CDH12: variants seen among roughly 807,000 people sequenced by gnomAD.
The protein encoded by CDH12 is cadherin 12, also known as cadherin-12.
Under a neutral mutation model 74.1 loss-of-function variants are expected in CDH12, and 41 were observed. The ratio of observed to expected loss-of-function variants is 0.55; its 90% CI spans 0.43 to 0.72. CDH12 has a LOEUF of 0.72. Ranked by LOEUF, CDH12 falls within the 30% of genes least tolerant of loss-of-function variation. The probability of loss-of-function intolerance (pLI) is 0.00; values close to 1 mark genes in which losing one functional copy is unlikely to be tolerated. For missense variants in CDH12, 945 were observed against 977.2 expected (o/e 0.97, Z 0.44); for synonymous variants, 399 against 355.0 (o/e 1.12, Z -1.39).
chr5:22,620,545 A>T (rs1459991263), intron 1 of CDH12, among the ~76,000 whole-genome samples: 2 of 152,062 alleles, frequency 1.3e-5, no homozygotes, highest in African/African-American at 4.8e-5. Context: ...AAAAATAAAG[A>T]TATAGAAAAT....
intron 2 of CDH12, among the ~76,000 whole-genome samples, chr5:22,491,610 C>CAAAAAAAAAAAA (rs11446320): frequency 1.7e-5 from 2 of 120,886 alleles, no homozygotes; most frequent in Non-Finnish European, 1.7e-5. Flanking sequence ...AGCTAATGAG[C>CAAAAAAAAAAAA]AAAAAAAAAA....
At chr5:22,845,738 G>C (rs924796491) in intron 1 of CDH12, among the ~76,000 whole-genome samples, 1 of 152,114 alleles carries the variant, frequency 6.6e-6, no homozygotes, top group African/African-American at 2.4e-5. Flanking sequence ...AGGCCTTGTG[G>C]CAGTGTTGAA....
chr5:22,397,467 T>C (rs1296352398), intron 3 of CDH12, among the ~76,000 whole-genome samples: 1 of 151,968 alleles, frequency 6.6e-6, no homozygotes. Context: ...TTTTTTTTTT[T>C]TTTTTCTTTT....
At chr5:22,798,766 A>G (rs1748358824) in intron 1 of CDH12, among the ~76,000 whole-genome samples, 1 of 152,184 alleles carries the variant, frequency 6.6e-6, no homozygotes, top group South Asian at 2.1e-4. Flanking sequence ...TAAGTATAGT[A>G]TGTTTTCTAA....
rs372583026 is a variant in CDH12, at chr5:22,795,474, T to TAGGAATCTA, written c.-523+57583_-523+57584insTAGATTCCT. ...TCCAGTATTTCTATCTAATTGAGCT[T>TAGGAATCTA]TCAGAGATTAGATTCCTAATATATC... On this transcript the variant is annotated intron_variant, in intron 1 of 14. Transcript: ENST00000382254. Among the ~76,000 whole-genome samples, 999 of 152,024 alleles carry TAGGAATCTA rather than the reference T, an allele frequency of 6.6e-3. 11 individuals carry two copies. Among genetic ancestry groups the TAGGAATCTA allele is most frequent in the African/African-American group, 0.023 (966 of 41,476 alleles).
intron 4 of CDH12, among the ~76,000 whole-genome samples, chr5:22,207,928 C>A (rs948982267): frequency 2.0e-5 from 3 of 152,206 alleles, no homozygotes; most frequent in African/African-American, 7.2e-5. Flanking sequence ...TAACAACTAT[C>A]ATTTTCTGAG....
intron 3 of CDH12, among the ~76,000 whole-genome samples, chr5:22,248,669 G>A (rs533794308): frequency 6.6e-6 from 1 of 152,058 alleles, no homozygotes; most frequent in African/African-American, 2.4e-5. Flanking sequence ...TGAAATCACA[G>A]TTTCGTTGTA....
chr5:22,047,926 T>G (rs1740075353), intron 5 of CDH12, among the ~76,000 whole-genome samples: 1 of 152,198 alleles, frequency 6.6e-6, no homozygotes, highest in South Asian at 2.1e-4. Flanking sequence ...TGTTGTAGGA[T>G]ATCATGGATA....
At chr5:22,760,678 C>CAAAAAAA (rs11284255) in intron 1 of CDH12, among the ~76,000 whole-genome samples, 37 of 63,412 alleles carry the variant, frequency 5.8e-4, no homozygotes, top group East Asian at 1.0e-3. Context: ...GACTCCGTCT[C>CAAAAAAA]AAAAAAAAAA....
At chr5:22,041,178 T>A (rs1012335593) in intron 5 of CDH12, among the ~76,000 whole-genome samples, 5 of 151,928 alleles carry the variant, frequency 3.3e-5, no homozygotes, top group African/African-American at 1.2e-4. Context: ...AAAACACAAA[T>A]ATATAGCAGA....
chr5:22,723,466 T>C (rs79159847), intron 1 of CDH12, among the ~76,000 whole-genome samples: 124 of 152,198 alleles, frequency 8.1e-4, no homozygotes, highest in African/African-American at 2.9e-3. Context: ...GATAGAGCAA[T>C]ATCTATAATA....
At chr5:22,266,778 G>C (rs1246582007) in intron 3 of CDH12, among the ~76,000 whole-genome samples, 2 of 152,064 alleles carry the variant, frequency 1.3e-5, no homozygotes, top group Non-Finnish European at 1.5e-5. Context: ...AAAAGTAAAA[G>C]ATTCTTTTAC....
intron 4 of CDH12, among the ~76,000 whole-genome samples, chr5:22,111,878 G>A (rs1318333555): frequency 6.6e-6 from 1 of 152,090 alleles, no homozygotes; most frequent in Non-Finnish European, 1.5e-5. Context: ...GGAATTGCTT[G>A]AAATTAATGA....
intron 2 of CDH12, among the ~76,000 whole-genome samples, chr5:22,424,002 C>CAAAAAA (rs1165781089): frequency 1.8e-3 from 57 of 31,098 alleles, no homozygotes; most frequent in East Asian, 2.2e-3. Flanking sequence ...GACTCTGTCT[C>CAAAAAA]AAAAAAAAAA....
intron 1 of CDH12, among the ~76,000 whole-genome samples, chr5:22,813,272 C>A (rs1042120365): frequency 2.6e-5 from 4 of 152,050 alleles, no homozygotes; most frequent in Admixed American, 6.6e-5. Flanking sequence ...TGGACAGATT[C>A]CAAATTTTAA....
intron 4 of CDH12, among the ~76,000 whole-genome samples, chr5:22,109,312 A>G (rs1744681005): frequency 6.6e-6 from 1 of 152,208 alleles, no homozygotes; most frequent in Admixed American, 6.5e-5. Context: ...ATCCCCCTCC[A>G]GAGCAAAAGT....
chr5:21,770,022 A>G (rs1012528184), intron 11 of CDH12, among the ~76,000 whole-genome samples: 1 of 152,180 alleles, frequency 6.6e-6, no homozygotes, highest in Non-Finnish European at 1.5e-5. Flanking sequence ...ACTAACTCAG[A>G]GAGCAAGAAG....
intron 6 of CDH12, among the ~76,000 whole-genome samples, chr5:21,887,437 A>T (rs546108682): frequency 1.3e-5 from 2 of 152,314 alleles, no homozygotes; most frequent in African/African-American, 4.8e-5. Flanking sequence ...GAACATCAAT[A>T]GTGACTTGAA....
At chr5:21,791,185 T>TATATG (rs1273362458) in intron 10 of CDH12, among the ~76,000 whole-genome samples, 1 of 152,078 alleles carries the variant, frequency 6.6e-6, no homozygotes, top group Admixed American at 6.6e-5. Flanking sequence ...GTGCTCTGTC[T>TATATG]ATATGTGACT....
Sources: allele counts gnomAD v4.1 joint callset (sites outside exome capture counted in the v4.1 genomes callset), GRCh38; gene constraint gnomAD v4.1.1; transcripts MANE v1.5; gene names NCBI Gene and HGNC (gene_info 2026-07-23, HGNC 2026-07-21).